NRXN3: variants seen among roughly 807,000 people sequenced by gnomAD.
The protein encoded by NRXN3 is neurexin 3, also known as neurexin III.
Under a neutral mutation model 137.6 loss-of-function variants are expected in NRXN3, and 32 were observed. The observed-to-expected ratio is 0.23, with a 90% CI of 0.18 to 0.31. The LOEUF (loss-of-function observed/expected upper bound fraction) is 0.31. Ranked by LOEUF, NRXN3 falls within the 10% of genes least tolerant of loss-of-function variation. The pLI is 1.00. For synonymous variants in NRXN3, 798 were observed against 784.5 expected (o/e 1.02, Z -0.29); for missense variants, 1,574 against 2,062.5 (o/e 0.76, Z 4.59).
chr14:78,382,560 G>T (rs1278845715), intron 4 of NRXN3, among the ~76,000 whole-genome samples: 1 of 152,164 alleles, frequency 6.6e-6, no homozygotes, highest in Non-Finnish European at 1.5e-5. Flanking sequence ...AAACCCTTGT[G>T]GTTACCTGGA....
intron 4 of NRXN3, among the ~76,000 whole-genome samples, chr14:78,407,093 T>C (rs73316040): frequency 0.025 from 3,756 of 152,268 alleles, 130 homozygotes; most frequent in African/African-American, 0.081. Flanking sequence ...CACTAACTCC[T>C]ACCAACTCAT....
chr14:79,233,294 T>C (rs2072584720), intron 15 of NRXN3, among the ~76,000 whole-genome samples: 1 of 152,136 alleles, frequency 6.6e-6, no homozygotes, highest in Admixed American at 6.6e-5. Context: ...AACAAACATG[T>C]GGTGGGAGTC....
intron 16 of NRXN3, among the ~76,000 whole-genome samples, chr14:79,496,208 A>C (rs10145219): frequency 0.039 from 5,756 of 149,080 alleles, 342 homozygotes; most frequent in African/African-American, 0.13. Context: ...CCTAATTTGA[A>C]CTTAATTCTC....
At chr14:78,416,795 C>T (rs1213289625) in intron 4 of NRXN3, among the ~76,000 whole-genome samples, 1 of 152,174 alleles carries the variant, frequency 6.6e-6, no homozygotes, top group Non-Finnish European at 1.5e-5. Context: ...AACTGTACTG[C>T]TGCAGTCTTT....
At chr14:79,430,249 T>C (rs186181161) in intron 15 of NRXN3, among the ~76,000 whole-genome samples, 30 of 152,310 alleles carry the variant, frequency 2.0e-4, no homozygotes, top group South Asian at 1.2e-3. Flanking sequence ...GAAGCCTCCT[T>C]ATATCTTGAA....
chr14:79,822,650 A>G (rs2099276171), intron 20 of NRXN3, among the ~76,000 whole-genome samples: 1 of 152,164 alleles, frequency 6.6e-6, no homozygotes, highest in African/African-American at 2.4e-5. Flanking sequence ...TTACATGTAA[A>G]GTTTTATTGT....
intron 20 of NRXN3, among the ~76,000 whole-genome samples, chr14:79,841,990 C>T (rs2099356790): frequency 6.6e-6 from 1 of 152,200 alleles, no homozygotes; most frequent in African/African-American, 2.4e-5. Flanking sequence ...TATCCACTGC[C>T]TTGTGTGGGC....
intron 2 of NRXN3, among the ~76,000 whole-genome samples, chr14:78,274,434 C>A (rs1390800384): frequency 1.3e-5 from 2 of 152,182 alleles, no homozygotes; most frequent in Non-Finnish European, 2.9e-5. Context: ...TTCACTACCA[C>A]AAGAACAGCA....
In NRXN3 at chr14:79,649,411, G is replaced by T. The variant is rs566147624; in HGVS notation, c.3445-14367G>T. ...CACCAGGCACGTTTGGAAAATAAAA[G>T]ATTTTATTTATATTTATTTTGACTC... On this transcript the variant is annotated intron_variant, in intron 16 of 20. Transcript: ENST00000335750. Among the ~76,000 whole-genome samples, 7 of 152,116 alleles carry T rather than the reference G, an allele frequency of 4.6e-5. No individual in the cohort carries two copies. In the East Asian group the frequency reaches 9.7e-4, roughly 21 times the overall value.
chr14:79,130,064 A>C (rs1270136047), intron 15 of NRXN3, among the ~76,000 whole-genome samples: 1 of 152,038 alleles, frequency 6.6e-6, no homozygotes, highest in East Asian at 1.9e-4. Context: ...TTTTGAGCCT[A>C]TGTGTGTCTC....
intron 10 of NRXN3, among the ~76,000 whole-genome samples, chr14:78,920,871 C>T (rs183403007): frequency 6.6e-6 from 1 of 152,314 alleles, no homozygotes; most frequent in Admixed American, 6.5e-5. Context: ...GATGCCCTCT[C>T]CTGGCACACT....
At chr14:79,045,554 C>G (rs904072692) in intron 15 of NRXN3, among the ~76,000 whole-genome samples, 2 of 152,114 alleles carry the variant, frequency 1.3e-5, no homozygotes, top group Non-Finnish European at 2.9e-5. Context: ...CATGGATGTT[C>G]TCTCTGTGGC....
intron 4 of NRXN3, among the ~76,000 whole-genome samples, chr14:78,603,518 G>C (rs1301211907): frequency 6.6e-6 from 1 of 152,186 alleles, no homozygotes; most frequent in Admixed American, 6.5e-5. Flanking sequence ...TGGGTGGTAG[G>C]AAAGGACAGA....
intron 19 of NRXN3, among the ~76,000 whole-genome samples, chr14:79,804,905 CT>C (rs982882111): frequency 3.4e-4 from 51 of 152,088 alleles, no homozygotes; most frequent in Non-Finnish European, 5.3e-4. Context: ...GAAGACCCCC[CT>C]AAGACGGTCT....
At chr14:78,860,595 TAAAAG>T (rs2099069780) in intron 10 of NRXN3, among the ~76,000 whole-genome samples, 1 of 152,140 alleles carries the variant, frequency 6.6e-6, no homozygotes, top group African/African-American at 2.4e-5. Context: ...ATTTTTTAAA[TAAAAG>T]AAGTGTATTT....
At chr14:78,388,084 C>A (rs1450903486) in intron 4 of NRXN3, among the ~76,000 whole-genome samples, 1 of 152,160 alleles carries the variant, frequency 6.6e-6, no homozygotes, top group Non-Finnish European at 1.5e-5. Flanking sequence ...CAGCCCCAGA[C>A]CAGATACTCC....
At chr14:78,850,009 C>T (rs1029947528) in intron 10 of NRXN3, among the ~76,000 whole-genome samples, 13 of 152,180 alleles carry the variant, frequency 8.5e-5, no homozygotes, top group African/African-American at 3.1e-4. Context: ...GGATATAGAA[C>T]TTGAGTTCAG....
intron 15 of NRXN3, among the ~76,000 whole-genome samples, chr14:79,396,227 C>T (rs188440769): frequency 7.1e-4 from 108 of 151,732 alleles, no homozygotes; most frequent in Non-Finnish European, 1.2e-3. Flanking sequence ...GAACATAATA[C>T]GGGGGTTGCG....
chr14:78,219,488 A>T (rs1238995677), intron 1 of NRXN3, among the ~76,000 whole-genome samples: 1 of 152,168 alleles, frequency 6.6e-6, no homozygotes, highest in Non-Finnish European at 1.5e-5. Flanking sequence ...AGTGGAAAGC[A>T]CCCTGATCCA....
Sources: allele counts gnomAD v4.1 joint callset (sites outside exome capture counted in the v4.1 genomes callset), GRCh38; gene constraint gnomAD v4.1.1; transcripts MANE v1.5; gene names NCBI Gene and HGNC (gene_info 2026-07-23, HGNC 2026-07-21).